Variants in NOL4 observed in about 807,000 individuals in gnomAD.
NOL4 encodes nucleolar protein 4.
NOL4 carries 17 observed loss-of-function variants against 75.9 expected under a neutral mutation model. The observed-to-expected ratio is 0.22, with a 90% CI of 0.15 to 0.34. NOL4 has a LOEUF of 0.34. NOL4 is among the 10% of genes least tolerant of loss of function. The pLI is 1.00. For missense variants in NOL4, 614 were observed against 793.5 expected (o/e 0.77, Z 2.72); for synonymous variants, 292 against 289.9 (o/e 1.01, Z -0.07).
chr18:33,874,063 T>C (rs867515326), intron 10 of NOL4, among the ~76,000 whole-genome samples: 1 of 151,962 alleles, frequency 6.6e-6, no homozygotes, highest in Non-Finnish European at 1.5e-5. Context: ...GTCTAGATCA[T>C]GGTAGAGAAC....
chr18:34,143,813 C>T (rs185607009), intron 1 of NOL4, among the ~76,000 whole-genome samples: 324 of 133,230 alleles, frequency 2.4e-3, no homozygotes, highest in African/African-American at 8.6e-3. Context: ...TGCAGTGAGC[C>T]AAGATTGCAC....
Position 33,941,684 on chromosome 18 carries a change from C to T in NOL4, c.1542+1381G>A, listed in dbSNP as rs560865361. Among the ~76,000 whole-genome samples the T allele has an allele frequency of 2.0e-5, 3 of 151,972 alleles. No homozygotes were observed. In the East Asian group the frequency reaches 5.8e-4, roughly 30 times the overall value. ...CACAGGATGAGTACTGTTACTATTG[C>T]TGTCTTTCATATGGAGTAATCAAAG... is the stretch of plus-strand genomic sequence containing the variant. On this transcript the variant is annotated intron_variant, in intron 9 of 10. Coordinates refer to ENST00000261592, the MANE Select transcript of NOL4 (RefSeq NM_003787.5).
chr18:33,890,423 C>G (rs993697601), intron 9 of NOL4, among the ~76,000 whole-genome samples: 4 of 152,036 alleles, frequency 2.6e-5, no homozygotes, highest in African/African-American at 7.2e-5. Context: ...TACGAAGAAT[C>G]AATATCGTGA....
chr18:33,974,660 G>A lies in NOL4; in HGVS notation c.1057-16242C>T, dbSNP rs116006213. On this transcript the variant is annotated intron_variant, in intron 6 of 10. Transcript: ENST00000261592. ...AAAAGTTTATTACATTGCAAGAATC[G>A]CCAAAATGCAACACAGAGACACAAA... is the stretch of plus-strand genomic sequence containing the variant. 8.7e-3 allele frequency among the ~76,000 whole-genome samples: 1,323 copies of A among 151,956 alleles called. 19 individuals are homozygous for A. The highest frequency in any genetic ancestry group is 0.03 in the African/African-American group (1,225 of 41,446).
At chr18:34,110,159 A>AAAAAAAAAAAAC (rs2079520894) in intron 2 of NOL4, among the ~76,000 whole-genome samples, 1 of 130,074 alleles carries the variant, frequency 7.7e-6, no homozygotes, top group Non-Finnish European at 1.6e-5. Flanking sequence ...AAAAAAAAAA[A>AAAAAAAAAAAAC]AAAATACTGG....
At chr18:34,127,419 G>C (rs1356315092) in intron 2 of NOL4, among the ~76,000 whole-genome samples, 2 of 151,800 alleles carry the variant, frequency 1.3e-5, no homozygotes, top group Non-Finnish European at 2.9e-5. Flanking sequence ...AGGAGAAAAA[G>C]AAGGTCAATA....
intron 9 of NOL4, among the ~76,000 whole-genome samples, chr18:33,932,093 T>C (rs2067729483): frequency 6.6e-6 from 1 of 152,122 alleles, no homozygotes; most frequent in South Asian, 2.1e-4. Flanking sequence ...GTGCAAATAG[T>C]ACCTGATGAT....
intron 6 of NOL4, among the ~76,000 whole-genome samples, chr18:33,965,789 A>C (rs1023111078): frequency 2.0e-5 from 3 of 152,184 alleles, no homozygotes; most frequent in African/African-American, 7.2e-5. Flanking sequence ...GAGTCAATTA[A>C]ACTTCTTTCC....
At chr18:33,957,210 G>C in intron 8 of NOL4, 116 bp downstream of exon 8, 2 of 789,742 alleles carry the variant, frequency 2.5e-6, no homozygotes, top group Non-Finnish European at 3.9e-6. Context: ...AACCCCCTTT[G>C]ACCTGACATT....
At chr18:33,888,821 G>C (rs1806109374) in intron 9 of NOL4, among the ~76,000 whole-genome samples, 1 of 152,080 alleles carries the variant, frequency 6.6e-6, no homozygotes, top group Admixed American at 6.6e-5. Flanking sequence ...GGTTGCTGTA[G>C]CCTTGTAGTA....
chr18:34,150,717 G>A (rs1354297626), intron 1 of NOL4, among the ~76,000 whole-genome samples: 2 of 151,690 alleles, frequency 1.3e-5, no homozygotes, highest in African/African-American at 4.8e-5. Context: ...CCAAAGTCAT[G>A]ATCCATGAAT....
Position 34,204,802 on chromosome 18 carries a change from A to C in NOL4, c.264+18188T>G, listed in dbSNP as rs575123511. Among the ~76,000 whole-genome samples the C allele has an allele frequency of 4.6e-5, 7 of 152,286 alleles. No individual in the cohort carries two copies. In the South Asian group the frequency reaches 1.2e-3, roughly 27 times the overall value. ...ACTAAGTAAAAAAGGAAGAGGTGAG[A>C]ATAATGGAGAAAAAAAGGAAGAAGA... On this transcript the variant is annotated intron_variant, in intron 1 of 10. Transcript: ENST00000261592.
At position 34,104,171 on chromosome 18, in the gene NOL4, C is replaced by T. The variant is rs747134798; in HGVS notation, c.527-12G>A. On this transcript the variant is annotated splice_polypyrimidine_tract_variant and intron_variant, in intron 3 of 10. Coordinates refer to ENST00000261592, the MANE Select transcript of NOL4 (RefSeq NM_003787.5). ...AGGTTTTCCATTATCTGTAATAAAACATTTTTAATGGGTAATGAAAGTAAT... is the reference window on the plus strand; with the variant it reads ...AGGTTTTCCATTATCTGTAATAAAATATTTTTAATGGGTAATGAAAGTAAT... 2.3e-5 allele frequency: 34 copies of T among 1,478,466 alleles called. No individual in the cohort carries two copies. The highest frequency in any genetic ancestry group is 3.4e-5 in the South Asian group (3 of 88,230). 91.6% of individuals were successfully genotyped at this position (1,478,466 alleles called of 1,614,324 possible). A position where few individuals can be genotyped will look rare whatever the true frequency, so the allele number is the denominator to read the frequency against.
At chr18:33,944,060 G>A (rs1315304566) in intron 8 of NOL4, among the ~76,000 whole-genome samples, 3 of 151,808 alleles carry the variant, frequency 2.0e-5, no homozygotes, top group East Asian at 3.9e-4. Flanking sequence ...ATAAGCAAAT[G>A]ATAGATGAGA....
intron 8 of NOL4, among the ~76,000 whole-genome samples, chr18:33,949,851 T>A (rs1435357681): frequency 6.6e-6 from 1 of 152,062 alleles, no homozygotes; most frequent in Non-Finnish European, 1.5e-5. Context: ...AGTCTTCTAG[T>A]TGAAGATTTA....
intron 5 of NOL4, among the ~76,000 whole-genome samples, chr18:34,026,265 T>C (rs1468850451): frequency 1.3e-5 from 2 of 152,146 alleles, no homozygotes; most frequent in Non-Finnish European, 2.9e-5. Context: ...AATGCCTGGT[T>C]ATGCCCTCCT....
intron 8 of NOL4, among the ~76,000 whole-genome samples, chr18:33,944,965 A>G (rs2068737323): frequency 6.6e-6 from 1 of 151,904 alleles, no homozygotes; most frequent in Admixed American, 6.6e-5. Flanking sequence ...TTAGATACTC[A>G]TTGATATCTT....
intron 8 of NOL4, among the ~76,000 whole-genome samples, chr18:33,953,512 A>G (rs544594802): frequency 4.6e-5 from 7 of 151,044 alleles, no homozygotes; most frequent in Non-Finnish European, 8.9e-5. Context: ...TATTTGGGAA[A>G]CAGAATAAAG....
intron 10 of NOL4, among the ~76,000 whole-genome samples, chr18:33,883,022 C>A (rs1367815104): frequency 6.6e-6 from 1 of 151,694 alleles, no homozygotes; most frequent in African/African-American, 2.4e-5. Flanking sequence ...CACATGGACA[C>A]AGGAAGGGGA....
Sources: allele counts gnomAD v4.1 joint callset (sites outside exome capture counted in the v4.1 genomes callset), GRCh38; gene constraint gnomAD v4.1.1; transcripts MANE v1.5; gene names NCBI Gene and HGNC (gene_info 2026-07-23, HGNC 2026-07-21).